NSMCE2: variants seen among roughly 807,000 people sequenced by gnomAD.
NSMCE2 encodes the protein NSE2 SUMO ligase component of SMC5/6 complex.
NSMCE2 carries 24 observed loss-of-function variants against 23.8 expected under a neutral mutation model. The observed-to-expected ratio is 1.01, with a 90% CI of 0.73 to 1.42. The LOEUF (loss-of-function observed/expected upper bound fraction) is 1.42, where lower values mean the gene tolerates loss of function less well. NSMCE2 is among the 40% of genes most tolerant of loss of function. NSMCE2 has a pLI of 0.00. For synonymous variants in NSMCE2, 92 were observed against 94.1 expected (o/e 0.98, Z 0.13); for missense variants, 284 against 296.5 (o/e 0.96, Z 0.31).
chr8:125,275,261 C>T (rs922185423), intron 5 of NSMCE2, among the ~76,000 whole-genome samples: 6 of 152,184 alleles, frequency 3.9e-5, no homozygotes, highest in Admixed American at 3.3e-4. Context: ...ATTTCAGCTT[C>T]TGTGAAACTT....
chr8:125,261,753 A>T (rs751299892), intron 5 of NSMCE2, among the ~76,000 whole-genome samples: 1 of 151,966 alleles, frequency 6.6e-6, no homozygotes, highest in Non-Finnish European at 1.5e-5. Flanking sequence ...AGTAAAAAAA[A>T]AAAAACAAAA....
intron 5 of NSMCE2, among the ~76,000 whole-genome samples, chr8:125,273,978 CT>C (rs908634493): frequency 1.3e-5 from 2 of 152,226 alleles, no homozygotes; most frequent in African/African-American, 4.8e-5. Flanking sequence ...CTCCTCTGCC[CT>C]GCTCAGCATA....
chr8:125,357,732 G>A lies in NSMCE2; in HGVS notation c.540G>A (p.Val180=). The change falls in exon 7 of 8, where the codon GTG becomes GTA. Residue 180 remains valine, a synonymous_variant. Coordinates refer to ENST00000287437, the MANE Select transcript of NSMCE2 (RefSeq NM_173685.4). ...PITKEEMKKP[V]KNKVCGHTYE... is the part of the protein sequence containing the mutation. ...TACAGGAGGAAATGAAGAAGCCAGT[G>A]AAAAATAAAGTGTGTGGCCACACCT... 6.2e-7 allele frequency: 1 copy of A among 1,613,718 alleles called. No homozygotes were observed. The highest frequency in any genetic ancestry group is 8.5e-7 in the Non-Finnish European group (1 of 1,179,628).
intron 3 of NSMCE2, among the ~76,000 whole-genome samples, chr8:125,150,426 C>CTTTTTTTTTTTTTTTT (rs71295819): frequency 9.7e-5 from 6 of 61,848 alleles, no homozygotes; most frequent in East Asian, 4.7e-4. Context: ...TTCTTTCTTT[C>CTTTTTTTTTTTTTTTT]TTTTTTTTTT....
intron 5 of NSMCE2, among the ~76,000 whole-genome samples, chr8:125,258,407 G>A (rs899223339): frequency 6.6e-6 from 1 of 152,202 alleles, no homozygotes; most frequent in African/African-American, 2.4e-5. Flanking sequence ...AATCTGCACA[G>A]TTTAGGGCTT....
chr8:125,230,719 A>G (rs1456439004), intron 5 of NSMCE2, among the ~76,000 whole-genome samples: 1 of 152,238 alleles, frequency 6.6e-6, no homozygotes, highest in Non-Finnish European at 1.5e-5. Context: ...AGAAATTACC[A>G]GTCTAGGTCA....
intron 5 of NSMCE2, among the ~76,000 whole-genome samples, chr8:125,236,029 TA>T: frequency 6.6e-6 from 1 of 152,204 alleles, no homozygotes; most frequent in East Asian, 1.9e-4. Context: ...TGCTGAAAAA[TA>T]ATTGAAACTG....
chr8:125,284,802 GAA>G (rs1827831469), intron 5 of NSMCE2, among the ~76,000 whole-genome samples: 1 of 152,102 alleles, frequency 6.6e-6, no homozygotes, highest in African/African-American at 2.4e-5. Context: ...ACAACCAAAT[GAA>G]AATAGATTAA....
chr8:125,213,793 T>C lies in NSMCE2; in HGVS notation c.418+31537T>C, dbSNP rs995976586. Among the ~76,000 whole-genome samples, 15 of 145,528 alleles carry C rather than the reference T, an allele frequency of 1.0e-4. No individual in the cohort carries two copies. The East Asian group carries it at 3.2e-3, about 31-fold the overall frequency. On this transcript the variant is annotated intron_variant, in intron 5 of 7. Transcript: ENST00000287437. ...GGTCGCCAGGCTACCCATTCTGAAA[T>C]GTGAGTTTTGTTTGGCTCACACAGT...
chr8:125,094,160 A>C (rs920206273), intron 1 of NSMCE2, among the ~76,000 whole-genome samples: 9 of 152,194 alleles, frequency 5.9e-5, no homozygotes, highest in African/African-American at 1.9e-4. Flanking sequence ...AGAAGGAAAC[A>C]GGAGAGCTAT....
At chr8:125,279,199 C>T (rs569381355) in intron 5 of NSMCE2, among the ~76,000 whole-genome samples, 5 of 152,088 alleles carry the variant, frequency 3.3e-5, no homozygotes, top group African/African-American at 7.2e-5. Context: ...GATGTGGTTC[C>T]GTGCACCTGG....
chr8:125,182,994 G>A (rs1201885625), intron 5 of NSMCE2, among the ~76,000 whole-genome samples: 1 of 152,002 alleles, frequency 6.6e-6, no homozygotes, highest in Non-Finnish European at 1.5e-5. Flanking sequence ...TTTCACATTA[G>A]CATCTATTTA....
chr8:125,298,706 T>G (rs553457233), intron 5 of NSMCE2, among the ~76,000 whole-genome samples: 2 of 151,510 alleles, frequency 1.3e-5, no homozygotes, highest in Admixed American at 1.3e-4. Context: ...TGTTTTTTTT[T>G]TTTTTTCCCC....
At chr8:125,104,441 G>A (rs948838880) in intron 3 of NSMCE2, among the ~76,000 whole-genome samples, 5 of 152,206 alleles carry the variant, frequency 3.3e-5, no homozygotes, top group Non-Finnish European at 5.9e-5. Context: ...TTGTTACAAA[G>A]CATGGCCCTT....
intron 5 of NSMCE2, among the ~76,000 whole-genome samples, chr8:125,259,686 C>A (rs776673432): frequency 1.3e-5 from 2 of 152,142 alleles, no homozygotes; most frequent in Non-Finnish European, 2.9e-5. Context: ...GCAGTACCCA[C>A]AAATTTAACA....
At chr8:125,231,716 A>T (rs936617441) in intron 5 of NSMCE2, among the ~76,000 whole-genome samples, 1 of 152,090 alleles carries the variant, frequency 6.6e-6, no homozygotes, top group East Asian at 1.9e-4. Context: ...TTATGATAAA[A>T]ATATATATAT....
In NSMCE2 at chr8:125,111,757, G is replaced by A. The variant is rs190163224; in HGVS notation, c.157+9270G>A. ...AGAGGTTGCAGCGAGCCGAGATCAC[G>A]CCACTGCACTGCAACCTAGGCAGTA... On this transcript the variant is annotated intron_variant, in intron 3 of 7. Transcript: ENST00000287437. Among the ~76,000 whole-genome samples, 314 of 152,202 alleles carry A rather than the reference G, an allele frequency of 2.1e-3. 4 individuals are homozygous for A. The highest frequency in any genetic ancestry group is 3.2e-3 in the Non-Finnish European group (221 of 68,000).
At chr8:125,288,887 C>A (rs939053357) in intron 5 of NSMCE2, among the ~76,000 whole-genome samples, 4 of 152,138 alleles carry the variant, frequency 2.6e-5, no homozygotes, top group African/African-American at 9.7e-5. Flanking sequence ...CTCAACCTCC[C>A]AGGCTCAAAC....
intron 1 of NSMCE2, among the ~76,000 whole-genome samples, chr8:125,098,377 A>G (rs1036188729): frequency 6.6e-6 from 1 of 152,160 alleles, no homozygotes; most frequent in Non-Finnish European, 1.5e-5. Context: ...CACTATTGTC[A>G]GTTATTACGA....
Sources: allele counts gnomAD v4.1 joint callset (sites outside exome capture counted in the v4.1 genomes callset), GRCh38; gene constraint gnomAD v4.1.1; transcripts MANE v1.5; gene names NCBI Gene and HGNC (gene_info 2026-07-23, HGNC 2026-07-21).